Variants in CNGA1 observed in about 807,000 individuals in gnomAD.
CNGA1 encodes the protein cyclic nucleotide-gated channel alpha-1.
A neutral mutation model predicts 69.7 loss-of-function variants in CNGA1; 53 were observed. That is an observed-to-expected ratio of 0.76 (90% confidence interval 0.61 to 0.96). CNGA1 has a LOEUF of 0.96. CNGA1 is among the 40% of genes least tolerant of loss of function. The pLI, the probability that CNGA1 is intolerant of heterozygous loss-of-function variation, is 0.00. For missense variants in CNGA1, 739 were observed against 811.2 expected (o/e 0.91, Z 1.08); for synonymous variants, 249 against 283.5 (o/e 0.88, Z 1.22).
At chr4:47,975,999 A>G (rs1269741454) in intron 3 of CNGA1, among the ~76,000 whole-genome samples, 1 of 151,294 alleles carries the variant, frequency 6.6e-6, no homozygotes, top group Non-Finnish European at 1.5e-5. Context: ...CTGTTTCACA[A>G]TGAAATTTCT....
chr4:47,943,145 A>G, intron 8 of CNGA1, 36 bp downstream of exon 8: 1 of 1,399,574 alleles, frequency 7.1e-7, no homozygotes, highest in Middle Eastern at 2.5e-4. Flanking sequence ...ACCCATCACA[A>G]TTTCCTTCTA....
At chr4:47,948,325 T>G (rs1029220402) in intron 6 of CNGA1, among the ~76,000 whole-genome samples, 1 of 152,184 alleles carries the variant, frequency 6.6e-6, no homozygotes, top group African/African-American at 2.4e-5. Flanking sequence ...TCATAGAGTT[T>G]ATACTCTAGG....
intron 1 of CNGA1, chr4:48,012,950 C>T (rs1437016709): frequency 2.0e-5 from 3 of 149,740 alleles, no homozygotes; most frequent in Non-Finnish European, 4.4e-5. Flanking sequence ...AAAAACAAAA[C>T]AAAACAAAAA....
At chr4:47,990,318 TG>T (rs890765762) in intron 2 of CNGA1, among the ~76,000 whole-genome samples, 2 of 152,022 alleles carry the variant, frequency 1.3e-5, no homozygotes, top group Non-Finnish European at 2.9e-5. Flanking sequence ...AATGCATTCT[TG>T]GGGGGAGGTC....
At chr4:48,002,147 G>A (rs181217635) in intron 2 of CNGA1, among the ~76,000 whole-genome samples, 5 of 152,158 alleles carry the variant, frequency 3.3e-5, no homozygotes, top group Non-Finnish European at 7.4e-5. Flanking sequence ...CTGGAAAAAG[G>A]ATAGCAAATT....
At chr4:47,940,994 T>C in intron 9 of CNGA1, 125 bp from the exon 10 acceptor site, 1 of 644,128 alleles carries the variant, frequency 1.6e-6, no homozygotes, top group Non-Finnish European at 2.7e-6. Flanking sequence ...GAGAGGTCCT[T>C]AGAGTCCTTT....
intron 8 of CNGA1, 74 bp downstream of exon 8, chr4:47,943,107 A>G: frequency 9.6e-7 from 1 of 1,042,822 alleles, no homozygotes; most frequent in Non-Finnish European, 1.5e-6. Flanking sequence ...TCTACTTTGT[A>G]TTATGGAAAA....
intron 6 of CNGA1, among the ~76,000 whole-genome samples, chr4:47,944,032 A>G (rs954253511): frequency 1.8e-4 from 28 of 152,338 alleles, no homozygotes; most frequent in African/African-American, 6.5e-4. Flanking sequence ...ATAGATTCTG[A>G]AGTCAGACAG....
chr4:48,005,546 T>A (rs1423110642), intron 2 of CNGA1, among the ~76,000 whole-genome samples: 1 of 152,242 alleles, frequency 6.6e-6, no homozygotes, highest in African/African-American at 2.4e-5. Context: ...AAGACTTTTT[T>A]AAAGTCAAAC....
At chr4:47,953,659 C>T (rs553777195) in intron 3 of CNGA1, among the ~76,000 whole-genome samples, 7 of 152,238 alleles carry the variant, frequency 4.6e-5, no homozygotes, top group Non-Finnish European at 8.8e-5. Context: ...TTTCAATTCA[C>T]TTTCCAGCTG....
chr4:47,973,314 G>A (rs553362536), intron 3 of CNGA1, among the ~76,000 whole-genome samples: 5 of 152,184 alleles, frequency 3.3e-5, no homozygotes, highest in Admixed American at 3.3e-4. Context: ...GACCTCAGGT[G>A]ATCCGCCCGC....
chr4:48,010,550 G>A (rs902237362), intron 2 of CNGA1, among the ~76,000 whole-genome samples: 2 of 152,132 alleles, frequency 1.3e-5, no homozygotes, highest in Admixed American at 6.5e-5. Flanking sequence ...GGCAAGCCTC[G>A]TGTTCTCTGA....
In CNGA1 at chr4:47,970,341, C is replaced by G. The variant is rs73147959; in HGVS notation, c.-15+11052G>C. Among the ~76,000 whole-genome samples the G allele has an allele frequency of 4.8e-3, 733 of 152,202 alleles. 6 individuals carry two copies. Among genetic ancestry groups the G allele is most frequent in the African/African-American group, 0.016 (657 of 41,510 alleles). On this transcript the variant is annotated intron_variant, in intron 3 of 10. Coordinates refer to ENST00000514170, the MANE Select transcript of CNGA1 (RefSeq NM_001379270.1). ...TACCCTGATCTCACCACCACCTCCC[C>G]CAACTCCACAACTGACAAAATTATC... is the stretch of plus-strand genomic sequence containing the variant.
chr4:47,949,571 C>G (rs368923477), intron 6 of CNGA1, among the ~76,000 whole-genome samples: 1 of 152,272 alleles, frequency 6.6e-6, no homozygotes, highest in African/African-American at 2.4e-5. Flanking sequence ...TATTTCCTGA[C>G]AAAAATTCAC....
chr4:47,960,305 C>G lies in CNGA1; in HGVS notation c.-14-7602G>C, dbSNP rs544110173. On this transcript the variant is annotated intron_variant, in intron 3 of 10. Coordinates refer to ENST00000514170, the MANE Select transcript of CNGA1 (RefSeq NM_001379270.1). ...CTGGTGGGACAAAAGATTGTACAACCTCTTTGGCAAACTGTCTGGCAGTTA... is the reference window on the plus strand; with the variant it reads ...CTGGTGGGACAAAAGATTGTACAACGTCTTTGGCAAACTGTCTGGCAGTTA... Among the ~76,000 whole-genome samples the G allele has an allele frequency of 8.5e-5, 13 of 152,302 alleles. No homozygotes were observed. The East Asian group carries it at 2.5e-3, about 29-fold the overall frequency.
At chr4:47,957,060 A>G (rs2110170147) in intron 3 of CNGA1, among the ~76,000 whole-genome samples, 1 of 152,120 alleles carries the variant, frequency 6.6e-6, no homozygotes, top group Middle Eastern at 3.4e-3. Context: ...TGGTCTCCCA[A>G]GTAGCTGGGA....
At chr4:48,016,143 AT>A (rs1715364331) in intron 1 of CNGA1, among the ~76,000 whole-genome samples, 1 of 152,154 alleles carries the variant, frequency 6.6e-6, no homozygotes, top group Non-Finnish European at 1.5e-5. Flanking sequence ...TTAAAGGTTT[AT>A]TTCAAATACC....
rs1578058662 is a variant in CNGA1 at position 47,936,274 on chromosome 4, G to A, written c.*147C>T. ...TCATAGTATCTCTCAGAGAGGGTGT[G>A]GGCCTTGTACCTTGCACCAAAGCAC... is the stretch of plus-strand genomic sequence containing the variant. On this transcript the variant is annotated 3_prime_UTR_variant, in exon 11 of 11. Transcript: ENST00000514170. 10 of 765,354 alleles carry A rather than the reference G, an allele frequency of 1.3e-5. No individual in the cohort carries two copies. The highest frequency in any genetic ancestry group is 2.2e-5 in the Non-Finnish European group (10 of 450,314). 47.4% of individuals were successfully genotyped at this position (765,354 alleles called of 1,614,324 possible).
intron 3 of CNGA1, among the ~76,000 whole-genome samples, chr4:47,969,708 G>T (rs1740915311): frequency 6.6e-6 from 1 of 152,110 alleles, no homozygotes; most frequent in Admixed American, 6.5e-5. Flanking sequence ...GACCTCGGGT[G>T]ATCTCCCCGC....
Sources: allele counts gnomAD v4.1 joint callset (sites outside exome capture counted in the v4.1 genomes callset), GRCh38; gene constraint gnomAD v4.1.1; transcripts MANE v1.5; gene names NCBI Gene and HGNC (gene_info 2026-07-23, HGNC 2026-07-21).